SIPA1L3: variants seen among roughly 807,000 people sequenced by gnomAD.
SIPA1L3 encodes the protein signal induced proliferation associated 1 like 3.
In SIPA1L3, 59 loss-of-function variants were observed where a neutral mutation model predicts 150.1. The ratio of observed to expected loss-of-function variants is 0.39; its 90% confidence interval spans 0.32 to 0.49. The LOEUF (loss-of-function observed/expected upper bound fraction) is 0.49, where lower values mean the gene tolerates loss of function less well. SIPA1L3 is among the 20% of genes least tolerant of loss of function. The pLI, the probability that SIPA1L3 is intolerant of heterozygous loss-of-function variation, is 0.86. For synonymous variants in SIPA1L3, 1,070 were observed against 1,077.6 expected, an observed-to-expected ratio of 0.99 and a Z score of 0.14; for missense variants, 2,211 against 2,489.5, an observed-to-expected ratio of 0.89 and a Z score of 2.38.
chr19:38,132,608 G>A (rs1438583653), intron 10 of SIPA1L3, among the ~76,000 whole-genome samples: 2 of 147,582 alleles, frequency 1.4e-5, no homozygotes, highest in African/African-American at 2.5e-5. Flanking sequence ...AAGAAAAAAA[G>A]AATTCTCCTA....
At chr19:38,156,829 T>C (rs1387009848) in intron 13 of SIPA1L3, among the ~76,000 whole-genome samples, 2 of 151,244 alleles carry the variant, frequency 1.3e-5, no homozygotes, top group African/African-American at 2.4e-5. Context: ...ATCTAAAAAA[T>C]AAAAAAAGAA....
chr19:38,036,587 G>A (rs1377606498), intron 2 of SIPA1L3, among the ~76,000 whole-genome samples: 1 of 152,176 alleles, frequency 6.6e-6, no homozygotes, highest in Non-Finnish European at 1.5e-5. Context: ...GCTGGTGGCC[G>A]TTTCCCTGCT....
intron 1 of SIPA1L3, among the ~76,000 whole-genome samples, chr19:37,926,897 C>T (rs2046508525): frequency 6.6e-6 from 1 of 152,102 alleles, no homozygotes; most frequent in African/African-American, 2.4e-5. Context: ...CATGAAGCCA[C>T]TCCTTTAAGC....
At chr19:38,105,834 T>C (rs1378464012) in intron 6 of SIPA1L3, among the ~76,000 whole-genome samples, 1 of 152,246 alleles carries the variant, frequency 6.6e-6, no homozygotes, top group Non-Finnish European at 1.5e-5. Flanking sequence ...AAGATTCTTG[T>C]ACCCATATCC....
chr19:38,037,033 C>T (rs1473195110), intron 2 of SIPA1L3, among the ~76,000 whole-genome samples: 2 of 152,224 alleles, frequency 1.3e-5, no homozygotes, highest in Non-Finnish European at 2.9e-5. Context: ...ACTCTCATAG[C>T]CACAGTGGAC....
In SIPA1L3 at chr19:37,968,063, C is replaced by CTCTTTCTTTCTTTCTTTCTTTCTT. The variant is rs74174499; in HGVS notation, c.-379+60707_-379+60730dup. Among the ~76,000 whole-genome samples, 292 of 143,560 alleles carry CTCTTTCTTTCTTTCTTTCTTTCTT rather than the reference C, an allele frequency of 2.0e-3. 8 individuals carry two copies. The highest frequency in any genetic ancestry group is 6.0e-3 in the East Asian group (25 of 4,164). 94.2% of individuals were successfully genotyped at this position (143,560 alleles called of 152,430 possible). On this transcript the variant is annotated intron_variant, in intron 1 of 21. Coordinates refer to ENST00000222345, the MANE Select transcript of SIPA1L3 (RefSeq NM_015073.3). ...CATTAATGGGTTCTGATGGCCTCAT[C>CTCTTTCTTTCTTTCTTTCTTTCTT]TCTTTCTTTCTTTCTTTCTTTCTTT...
chr19:38,134,873 C>T (rs1971399995), intron 10 of SIPA1L3, among the ~76,000 whole-genome samples: 1 of 152,088 alleles, frequency 6.6e-6, no homozygotes, highest in African/African-American at 2.4e-5. Context: ...GGCAAAGGCC[C>T]TTAGCTTGGA....
chr19:37,997,794 A>T (rs1450181452), intron 1 of SIPA1L3, among the ~76,000 whole-genome samples: 1 of 148,388 alleles, frequency 6.7e-6, no homozygotes, highest in East Asian at 2.0e-4. Context: ...TGAACCTGGG[A>T]GGCAGAGGTT....
At chr19:37,992,827 G>A (rs1285629571) in intron 1 of SIPA1L3, among the ~76,000 whole-genome samples, 1 of 152,144 alleles carries the variant, frequency 6.6e-6, no homozygotes, top group Non-Finnish European at 1.5e-5. Context: ...AGCTAAATGG[G>A]GACAGCAAGG....
At chr19:38,167,126 G>A (rs1240491560) in intron 15 of SIPA1L3, among the ~76,000 whole-genome samples, 3 of 151,376 alleles carry the variant, frequency 2.0e-5, no homozygotes, top group Non-Finnish European at 4.4e-5. Context: ...CCAGATACTC[G>A]GGAGGCTGAG....
At chr19:38,093,517 A>G (rs754588100) in intron 4 of SIPA1L3, among the ~76,000 whole-genome samples, 5 of 152,286 alleles carry the variant, frequency 3.3e-5, no homozygotes, top group Admixed American at 6.5e-5. Flanking sequence ...ACTGGAAGTG[A>G]TTATGATCGG....
At chr19:38,032,847 G>A (rs1436316144) in intron 2 of SIPA1L3, among the ~76,000 whole-genome samples, 8 of 77,006 alleles carry the variant, frequency 1.0e-4, no homozygotes, top group African/African-American at 4.2e-4. Context: ...AGCGAGACTC[G>A]GTCTCAAAAA....
intron 19 of SIPA1L3, among the ~76,000 whole-genome samples, chr19:38,199,517 A>G (rs1009554287): frequency 3.3e-5 from 5 of 152,262 alleles, no homozygotes; most frequent in Non-Finnish European, 7.4e-5. Flanking sequence ...GGCTGGTGGC[A>G]CTGATTTCTC....
intron 2 of SIPA1L3, among the ~76,000 whole-genome samples, chr19:38,048,325 G>T (rs1969107742): frequency 6.6e-6 from 1 of 152,172 alleles, no homozygotes; most frequent in Non-Finnish European, 1.5e-5. Flanking sequence ...GTCTGTCAGG[G>T]ACTCAGGTTC....
chr19:38,033,000 C>T (rs1444084225), intron 2 of SIPA1L3, among the ~76,000 whole-genome samples: 2 of 152,242 alleles, frequency 1.3e-5, no homozygotes, highest in Non-Finnish European at 2.9e-5. Flanking sequence ...GAAGGCCTCT[C>T]TGAGGAGGCC....
At chr19:38,198,264 C>T (rs1158529138) in intron 18 of SIPA1L3, 125 bp from the exon 19 acceptor site, 1 of 1,157,312 alleles carries the variant, frequency 8.6e-7, no homozygotes, top group East Asian at 2.8e-5. Context: ...CTCCCAGACC[C>T]CTTACCCTGC....
chr19:37,928,378 C>T (rs1568467098), intron 1 of SIPA1L3, among the ~76,000 whole-genome samples: 1 of 152,118 alleles, frequency 6.6e-6, no homozygotes, highest in Non-Finnish European at 1.5e-5. Flanking sequence ...CGAGGCCAGC[C>T]TGGGCAACAT....
chr19:38,117,143 TCTC>T (rs1487228175), intron 8 of SIPA1L3, among the ~76,000 whole-genome samples: 3 of 152,154 alleles, frequency 2.0e-5, no homozygotes, highest in African/African-American at 2.4e-5. Flanking sequence ...ACCTTGCACT[TCTC>T]CTCCTCCCAG....
intron 2 of SIPA1L3, among the ~76,000 whole-genome samples, chr19:38,078,589 CACAG>C (rs1969908157): frequency 1.9e-5 from 2 of 107,322 alleles, no homozygotes; most frequent in Admixed American, 1.8e-4. Flanking sequence ...CGCACACACA[CACAG>C]ACACACACAC....
Sources: gnomAD v4.1 joint callset for allele counts (sites outside exome capture counted in the v4.1 genomes callset) on GRCh38, gnomAD v4.1.1 for gene constraint, MANE v1.5 for transcripts, NCBI Gene and HGNC (gene_info 2026-07-23, HGNC 2026-07-21) for gene names.